Variants in NXN observed in about 807,000 individuals in gnomAD.
The protein encoded by NXN is nucleoredoxin 1.
Under a neutral mutation model 48.6 loss-of-function variants are expected in NXN, and 16 were observed. The observed-to-expected ratio is 0.33, with a 90% CI of 0.22 to 0.50. The LOEUF is 0.50. Among genes scored for constraint, NXN ranks in the 20% least tolerant of loss-of-function variants. The pLI is 0.98. For synonymous variants in NXN, 281 were observed against 269.6 expected, an observed-to-expected ratio of 1.04 and a Z score of -0.41; for missense variants, 492 against 605.5, an observed-to-expected ratio of 0.81 and a Z score of 1.97.
At chr17:946,918 ATCACGCAGT>A (rs1023626137) in intron 1 of NXN, among the ~76,000 whole-genome samples, 35 of 152,284 alleles carry the variant, frequency 2.3e-4, no homozygotes, top group African/African-American at 8.2e-4. Context: ...TTGGCTGGTT[ATCACGCAGT>A]TCACAGCTTC....
At chr17:865,165 G>A (rs1247295949) in intron 1 of NXN, among the ~76,000 whole-genome samples, 1 of 152,126 alleles carries the variant, frequency 6.6e-6, no homozygotes, top group African/African-American at 2.4e-5. Flanking sequence ...CGCATTGGGT[G>A]ATATCCTCTG....
intron 1 of NXN, among the ~76,000 whole-genome samples, chr17:859,885 T>C (rs1265468138): frequency 6.6e-6 from 1 of 152,124 alleles, no homozygotes. Context: ...GAGCAGGAAC[T>C]CCAATCTGTT....
chr17:911,163 TCTC>T (rs1277667316), intron 1 of NXN: 1 of 151,936 alleles, frequency 6.6e-6, no homozygotes, highest in African/African-American at 2.4e-5. Context: ...TATGTTTCTG[TCTC>T]CCATACTCTA....
In NXN at chr17:958,165, C is replaced by T. The variant is rs1368934038; in HGVS notation, c.360+21154G>A. Reference sequence around the variant, plus strand: ...TGTCTTAATCCACTGGACTACCCTCCCCCTCGTTTGAAAAGGTCACTTGCA... The same window carrying T: ...TGTCTTAATCCACTGGACTACCCTCTCCCTCGTTTGAAAAGGTCACTTGCA... On this transcript the variant is annotated intron_variant, in intron 1 of 7. Coordinates refer to ENST00000336868, the MANE Select transcript of NXN (RefSeq NM_022463.5). This position sits in a 1 kb window ranked among gnomAD's most constrained non-coding sequence, Gnocchi z 6.9. 6.6e-6 allele frequency among the ~76,000 whole-genome samples: 1 copy of T among 152,162 alleles called. No homozygotes were observed. The highest frequency in any genetic ancestry group is 1.9e-4 in the East Asian group (1 of 5,188).
chr17:819,864 T>C (rs1188173443), intron 4 of NXN, among the ~76,000 whole-genome samples: 3 of 152,194 alleles, frequency 2.0e-5, no homozygotes, highest in Non-Finnish European at 4.4e-5. Context: ...AGAGCTCAGA[T>C]GTGCACAGCC....
At chr17:839,801 A>AAAAAAAAAAAAAAAAAAAAAAAC (rs1914037093) in intron 1 of NXN, among the ~76,000 whole-genome samples, 1 of 141,140 alleles carries the variant, frequency 7.1e-6, no homozygotes, top group Non-Finnish European at 1.5e-5. Flanking sequence ...CCTTGTTAAA[A>AAAAAAAAAAAAAAAAAAAAAAAC]AAAAAAAAAA....
intron 1 of NXN, among the ~76,000 whole-genome samples, chr17:876,262 G>A (rs1398131360): frequency 6.6e-6 from 1 of 151,826 alleles, no homozygotes; most frequent in Non-Finnish European, 1.5e-5. Flanking sequence ...GAAAAGAAAA[G>A]AAAAGAAAGG....
chr17:947,302 A>C (rs12939584), intron 1 of NXN, among the ~76,000 whole-genome samples: 77,614 of 151,964 alleles, frequency 0.51, 23,572 homozygotes, highest in Non-Finnish European at 0.7. Context: ...GAATGAGGCT[A>C]AAAGACTCAC....
At chr17:904,277 C>T (rs973053044) in intron 1 of NXN, among the ~76,000 whole-genome samples, 4 of 142,296 alleles carry the variant, frequency 2.8e-5, no homozygotes, top group African/African-American at 7.8e-5. Flanking sequence ...GCGGGACCTG[C>T]GGGCTGCCCG....
At chr17:938,319 T>G (rs2068932048) in intron 1 of NXN, among the ~76,000 whole-genome samples, 1 of 152,166 alleles carries the variant, frequency 6.6e-6, no homozygotes, top group Admixed American at 6.5e-5. Flanking sequence ...GAGCTTGCCC[T>G]GATATGACAG....
Position 916,966 on chromosome 17 carries a change from T to C in NXN, c.360+62353A>G, listed in dbSNP as rs182870854. 4.9e-4 allele frequency among the ~76,000 whole-genome samples: 74 copies of C among 152,312 alleles called. 1 individual carries two copies. The highest frequency in any genetic ancestry group is 9.1e-4 in the Non-Finnish European group (62 of 68,024). On this transcript the variant is annotated intron_variant, in intron 1 of 7. Transcript: ENST00000336868. ...CACCCTAACCTCTTCGTTGTAAATT[T>C]TCAAACCACCTTGAAGGTGGGTATT...
intron 1 of NXN, among the ~76,000 whole-genome samples, chr17:923,364 A>T (rs893189889): frequency 1.3e-5 from 2 of 152,020 alleles, no homozygotes; most frequent in Non-Finnish European, 2.9e-5. Context: ...TACACCAAAA[A>T]AATTTTATAT....
chr17:885,752 C>T (rs1687894051), intron 1 of NXN, among the ~76,000 whole-genome samples: 1 of 142,358 alleles, frequency 7.0e-6, no homozygotes, highest in African/African-American at 2.7e-5. Context: ...GCAATCTCAG[C>T]TCACTGCAAG....
At chr17:841,612 A>AGCAGGTCCCCCCTGACCACGGC in intron 1 of NXN, among the ~76,000 whole-genome samples, 1 of 8,476 alleles carries the variant, frequency 1.2e-4, no homozygotes, top group Admixed American at 1.1e-3. Context: ...CCGACCACAG[A>AGCAGGTCCCCCCTGACCACGGC]GCATCTCACA....
chr17:957,224 C>A (rs1350926604), intron 1 of NXN, among the ~76,000 whole-genome samples: 8 of 151,878 alleles, frequency 5.3e-5, no homozygotes, highest in Non-Finnish European at 4.4e-5. Flanking sequence ...CTGTCACCAC[C>A]CCCCTCCCCC....
At position 979,736 on chromosome 17, in the gene NXN, G is replaced by GGGAGGAGGCGGCGGCGTCGGCGGCA; in HGVS notation, c.-83_-59dup. ...GACCCCGCTCCACGGTCCGCGCGGC[G>GGGAGGAGGCGGCGGCGTCGGCGGCA]GGAGGAGGCGGCGGCGTCGGCGGCA... On this transcript the variant is annotated 5_prime_UTR_variant, in exon 1 of 8. Coordinates refer to ENST00000336868, the MANE Select transcript of NXN (RefSeq NM_022463.5). The GGGAGGAGGCGGCGGCGTCGGCGGCA allele has an allele frequency of 1.4e-5, 17 of 1,252,660 alleles. No homozygotes were observed. The highest frequency in any genetic ancestry group is 1.7e-5 in the Non-Finnish European group (17 of 993,174). 77.6% of individuals were successfully genotyped at this position (1,252,660 alleles called of 1,614,324 possible).
At chr17:814,576 C>T (rs1160467336) in intron 5 of NXN, among the ~76,000 whole-genome samples, 1 of 152,262 alleles carries the variant, frequency 6.6e-6, no homozygotes, top group African/African-American at 2.4e-5. Flanking sequence ...CGGACCAACA[C>T]TGTCGTGTTC....
chr17:804,642 G>A (rs949804617), intron 6 of NXN, among the ~76,000 whole-genome samples: 8 of 152,200 alleles, frequency 5.3e-5, no homozygotes, highest in South Asian at 2.1e-4. Flanking sequence ...AGGTGCAAGC[G>A]AGGACAAAGG....
intron 1 of NXN, among the ~76,000 whole-genome samples, chr17:855,742 CTG>C (rs1811223704): frequency 6.6e-6 from 1 of 152,188 alleles, no homozygotes; most frequent in Admixed American, 6.5e-5. Context: ...AAACAAGCCT[CTG>C]AGTCTAAAGA....
Sources: gnomAD v4.1 joint callset for allele counts (sites outside exome capture counted in the v4.1 genomes callset) on GRCh38, gnomAD v4.1.1 for gene constraint, Gnocchi (gnomAD v3.1) non-coding constraint, MANE v1.5 for transcripts, NCBI Gene and HGNC (gene_info 2026-07-23, HGNC 2026-07-21) for gene names.